TAPBP: variants seen among roughly 807,000 people sequenced by gnomAD.
TAPBP encodes the protein TAP binding protein.
Under a neutral mutation model 45.7 loss-of-function variants are expected in TAPBP, and 38 were observed. That is an observed-to-expected ratio of 0.83 (90% CI 0.64 to 1.09). TAPBP has a LOEUF of 1.09. Among genes scored for constraint, TAPBP ranks in the 50% least tolerant of loss-of-function variants. The probability of loss-of-function intolerance (pLI) is 0.00; values close to 1 mark genes in which losing one functional copy is unlikely to be tolerated. For missense variants in TAPBP, 513 were observed against 587.3 expected (o/e 0.87, Z 1.31); for synonymous variants, 226 against 254.8 (o/e 0.89, Z 1.08).
intron 4 of TAPBP, 125 bp from the exon 5 acceptor site, chr6:33,304,763 G>A: frequency 1.5e-6 from 2 of 1,311,624 alleles, no homozygotes; most frequent in South Asian, 1.4e-5. Context: ...CTGAAATAGG[G>A]AACCCACTGT....
chr6:33,309,259 C>A (rs1368440100), intron 3 of TAPBP, among the ~76,000 whole-genome samples: 1 of 152,024 alleles, frequency 6.6e-6, no homozygotes, highest in Admixed American at 6.6e-5. Flanking sequence ...GTGGCACACG[C>A]CTGTAATCAC....
rs760432524 is a variant in TAPBP at position 33,301,734 on chromosome 6, C to T, written c.*26G>A. 1.2e-6 allele frequency: 2 copies of T among 1,609,808 alleles called. No homozygotes were observed. The highest frequency in any genetic ancestry group is 1.7e-6 in the Non-Finnish European group (2 of 1,176,176). ...AAGCTTGGGCCAGAGATGATGGTGG[C>T]TTCCACAGGATGGCAGTGAGTGCCC... On this transcript the variant is annotated 3_prime_UTR_variant, in exon 8 of 8. Transcript: ENST00000434618.
At chr6:33,306,072 G>A (rs1272544602) in intron 3 of TAPBP, among the ~76,000 whole-genome samples, 1 of 152,142 alleles carries the variant, frequency 6.6e-6, no homozygotes, top group Non-Finnish European at 1.5e-5. Flanking sequence ...TGTTGTGATG[G>A]TTAAATCATT....
At chr6:33,310,138 G>A (rs1053360844) in intron 3 of TAPBP, among the ~76,000 whole-genome samples, 6 of 151,976 alleles carry the variant, frequency 3.9e-5, no homozygotes, top group African/African-American at 4.8e-5. Context: ...AAGTACAGGC[G>A]TGAGTCACCT....
rs759758236 is a variant in TAPBP at position 33,304,112 on chromosome 6, T to C, written c.1300+16A>G. ...CACCAACCTCAGGTCATGGTCAGGGTAGGGCTGACACTTACCAGCCCAGCC... is the reference window on the plus strand; with the variant it reads ...CACCAACCTCAGGTCATGGTCAGGGCAGGGCTGACACTTACCAGCCCAGCC... On this transcript the variant is annotated intron_variant, in intron 6 of 7. Coordinates refer to ENST00000434618, the MANE Select transcript of TAPBP (RefSeq NM_003190.5). The C allele has an allele frequency of 1.3e-5, 21 of 1,612,104 alleles. No individual in the cohort carries two copies. Among genetic ancestry groups the C allele is most frequent in the Non-Finnish European group, 1.8e-5 (21 of 1,179,276 alleles).
chr6:33,304,558 C>T lies in TAPBP; in HGVS notation c.949G>A (p.Val317Met), dbSNP rs1338891803. 1.9e-6 allele frequency: 3 copies of T among 1,608,550 alleles called. No homozygotes were observed. The highest frequency in any genetic ancestry group is 1.7e-5 in the Admixed American group (1 of 59,916). The change falls in exon 5 of 8, where the codon GTG (valine) becomes ATG (methionine). Residue 317 changes from valine to methionine, a missense_variant. By Grantham distance (21) the Val-to-Met change is conservative. Coordinates refer to ENST00000434618, the MANE Select transcript of TAPBP (RefSeq NM_003190.5). ...CCCCCAGAAGGGTAGAAGTGGGACA[C>T]AAGGCAGAGCAATTCCGGGGGTGCC... ...GEAPPELLCL[V>M]SHFYPSGGLE...
At chr6:33,303,302 C>G (rs1251541332) in intron 7 of TAPBP, among the ~76,000 whole-genome samples, 1 of 151,936 alleles carries the variant, frequency 6.6e-6, no homozygotes, top group Admixed American at 6.6e-5. Context: ...GCCTGTAATC[C>G]CAACTACTCG....
Position 33,313,337 on chromosome 6 carries a change from G to A in TAPBP, c.349C>T (p.Arg117Trp). 2 of 1,613,368 alleles carry A rather than the reference G, an allele frequency of 1.2e-6. No homozygotes were observed. Among genetic ancestry groups the A allele is most frequent in the Non-Finnish European group, 1.7e-6 (2 of 1,179,954 alleles). Residue 117 changes from arginine to tryptophan, a missense_variant, in exon 3 of 8, where the codon CGG (arginine) becomes TGG (tryptophan). Physicochemically the swap from Arg to Trp is moderately radical, Grantham distance 101 (BLOSUM62 -3). Coordinates refer to ENST00000434618, the MANE Select transcript of TAPBP (RefSeq NM_003190.5). The surrounding 1 kb of genome is among the most constrained non-coding windows in gnomAD (Gnocchi z 7.2). ...ATCAGCCAAGCCCCATCCAGGGCCC[G>A]CGGGCAGTTCTGCGCGGGGGTCAGG... Reference protein sequence around the residue: ...SGLTPAQNCPRALDGAWLMVS... With the variant: ...SGLTPAQNCPWALDGAWLMVS...
chr6:33,305,295 T>TG lies in TAPBP; in HGVS notation c.561dup (p.Thr188HisfsTer26), dbSNP rs748799310. 5.1e-6 allele frequency: 8 copies of TG among 1,575,812 alleles called. No homozygotes were observed. The highest frequency in any genetic ancestry group is 6.9e-6 in the Non-Finnish European group (8 of 1,161,464). On this transcript the variant is annotated frameshift_variant, in exon 4 of 8. Coordinates refer to ENST00000434618, the MANE Select transcript of TAPBP (RefSeq NM_003190.5). LOFTEE classifies it high-confidence loss of function. This position sits in a 1 kb window ranked among gnomAD's most constrained non-coding sequence, Gnocchi z 4.4. Reference sequence around the variant, plus strand: ...GCCAGAGATGAGGCGGCCTCGGAGGTGGGGGGCATGTAGGCAAAGCTCAAG... The same window carrying TG: ...GCCAGAGATGAGGCGGCCTCGGAGGTGGGGGGGCATGTAGGCAAAGCTCAAG...
Position 33,304,120 on chromosome 6 carries a change from A to G in TAPBP, c.1300+8T>C, listed in dbSNP as rs966303595. 9 of 1,612,934 alleles carry G rather than the reference A, an allele frequency of 5.6e-6. No homozygotes were observed. The Admixed American group carries it at 1.3e-4, about 24-fold the overall frequency. On this transcript the variant is annotated splice_region_variant and intron_variant, in intron 6 of 7. Transcript: ENST00000434618. Reference sequence around the variant, plus strand: ...TCAGGTCATGGTCAGGGTAGGGCTGACACTTACCAGCCCAGCCCAGTGCCT... The same window carrying G: ...TCAGGTCATGGTCAGGGTAGGGCTGGCACTTACCAGCCCAGCCCAGTGCCT...
intron 3 of TAPBP, among the ~76,000 whole-genome samples, chr6:33,309,257 C>T (rs1484922683): frequency 1.3e-5 from 2 of 151,966 alleles, no homozygotes; most frequent in African/African-American, 2.4e-5. Context: ...TGGTGGCACA[C>T]GCCTGTAATC....
chr6:33,302,667 C>T (rs1386623455), intron 7 of TAPBP, among the ~76,000 whole-genome samples: 1 of 142,642 alleles, frequency 7.0e-6, no homozygotes, highest in Non-Finnish European at 1.5e-5. Flanking sequence ...GTTGTTGAGA[C>T]GAAGTTTTCC....
chr6:33,312,657 A>C (rs1317325111), intron 3 of TAPBP, among the ~76,000 whole-genome samples: 1 of 152,144 alleles, frequency 6.6e-6, no homozygotes, highest in Admixed American at 6.5e-5. Context: ...CGGACCACAG[A>C]GCGGCAGCAC....
Position 33,304,971 on chromosome 6 carries a change from C to G in TAPBP, c.868+18G>C, listed in dbSNP as rs759935763. ...GTGCCCACCCTCTACCCCTGGAGACCTCTGTCCCCCAACTCACTGTACACA... is the reference window on the plus strand; with the variant it reads ...GTGCCCACCCTCTACCCCTGGAGACGTCTGTCCCCCAACTCACTGTACACA... On this transcript the variant is annotated intron_variant, in intron 4 of 7. Coordinates refer to ENST00000434618, the MANE Select transcript of TAPBP (RefSeq NM_003190.5). 4 of 1,612,782 alleles carry G rather than the reference C, an allele frequency of 2.5e-6. No homozygotes were observed. Among genetic ancestry groups the G allele is most frequent in the Non-Finnish European group, 3.4e-6 (4 of 1,179,122 alleles).
rs1768878407 is a variant in TAPBP, at chr6:33,305,086, C to G, written c.771G>C (p.Trp257Cys). Residue 257 changes from tryptophan to cysteine, a missense_variant, in exon 4 of 8, where the codon TGG (tryptophan) becomes TGC (cysteine). Transcript: ENST00000434618. This position sits in a 1 kb window ranked among gnomAD's most constrained non-coding sequence, Gnocchi z 4.4. Reference protein sequence around the residue: ...WGPWTGNGTFWLPTVQPFQEG... With the variant: ...WGPWTGNGTFCLPTVQPFQEG... ...CCTGAAAGGGTTGAACTGTAGGCAGCCAGAAGGTCCCATTTCCGGTCCATG... is the reference window on the plus strand; with the variant it reads ...CCTGAAAGGGTTGAACTGTAGGCAGGCAGAAGGTCCCATTTCCGGTCCATG... The G allele has an allele frequency of 6.2e-7, 1 of 1,614,066 alleles. No individual in the cohort carries two copies. The highest frequency in any genetic ancestry group is 8.5e-7 in the Non-Finnish European group (1 of 1,180,054).
At chr6:33,310,611 G>C (rs2150969980) in intron 3 of TAPBP, among the ~76,000 whole-genome samples, 1 of 151,404 alleles carries the variant, frequency 6.6e-6, no homozygotes, top group Admixed American at 6.6e-5. Flanking sequence ...GAGCCCAGGA[G>C]TCCAAGACCA....
rs1427797403 is a variant in TAPBP at position 33,313,017 on chromosome 6, TG to T, written c.469+199del. 3.4e-4 allele frequency: 164 copies of T among 476,090 alleles called. No individual in the cohort carries two copies. The highest frequency in any genetic ancestry group is 1.4e-3 in the African/African-American group (61 of 44,706). The allele number at this position is 476,090 out of a possible 1,614,324, so 29.5% of individuals were successfully genotyped here. ...CCCTGCCAAGCTGCAGTTTTTTTTT[TG>T]TTTTTTTTTTTTAACTGGGTGAGGG... On this transcript the variant is annotated intron_variant, in intron 3 of 7. Coordinates refer to ENST00000434618, the MANE Select transcript of TAPBP (RefSeq NM_003190.5). This position sits in a 1 kb window ranked among gnomAD's most constrained non-coding sequence, Gnocchi z 7.2.
chr6:33,303,799 T>C (rs1337412277), intron 7 of TAPBP, 156 bp downstream of exon 7: 2 of 1,564,570 alleles, frequency 1.3e-6, no homozygotes, highest in East Asian at 4.8e-5. Flanking sequence ...CAAAGAGTCC[T>C]ACAGTTAGGA....
Position 33,305,195 on chromosome 6 carries a change from G to A in TAPBP, c.662C>T (p.Thr221Ile), listed in dbSNP as rs1241047081. The A allele has an allele frequency of 6.2e-7, 1 of 1,614,220 alleles. No individual in the cohort carries two copies. Among genetic ancestry groups the A allele is most frequent in the Admixed American group, 1.7e-5 (1 of 60,020 alleles). The change falls in exon 4 of 8, where the codon ACT (threonine) becomes ATT (isoleucine). Residue 221 changes from threonine to isoleucine, a missense_variant. Thr to Ile is a moderately conservative substitution (Grantham distance 89). Transcript: ENST00000434618. The surrounding 1 kb of genome is among the most constrained non-coding windows in gnomAD (Gnocchi z 4.4). ...LGKGHLLLAATPGLNGQMPAA... is the reference protein window; with the variant it reads ...LGKGHLLLAAIPGLNGQMPAA... ...TGGCATCTGGCCATTCAGCCCAGGA[G>A]TTGCAGCCAGGAGCAGATGTCCCTT... is the stretch of plus-strand genomic sequence containing the variant.
Sources: allele counts gnomAD v4.1 joint callset (sites outside exome capture counted in the v4.1 genomes callset), GRCh38; gene constraint gnomAD v4.1.1; non-coding constraint Gnocchi (gnomAD v3.1); transcripts MANE v1.5; gene names NCBI Gene and HGNC (gene_info 2026-07-23, HGNC 2026-07-21).